FAM168A: variants seen among roughly 807,000 people sequenced by gnomAD.
The protein encoded by FAM168A is family with sequence similarity 168 member A, also known as protein FAM168A.
In FAM168A, 3 loss-of-function variants were observed where a neutral mutation model predicts 28.5. That is an observed-to-expected ratio of 0.11 (90% CI 0.05 to 0.27). The LOEUF (loss-of-function observed/expected upper bound fraction) is 0.27. FAM168A is among the 10% of genes least tolerant of loss of function. FAM168A has a pLI of 1.00. For missense variants in FAM168A, 222 were observed against 311.5 expected (o/e 0.71, Z 2.16); for synonymous variants, 122 against 124.2 (o/e 0.98, Z 0.12).
intron 1 of FAM168A, among the ~76,000 whole-genome samples, chr11:73,490,906 G>A (rs1370343900): frequency 2.0e-5 from 3 of 152,030 alleles, no homozygotes; most frequent in Non-Finnish European, 4.4e-5. Context: ...GTCTACTGTT[G>A]CATCCCCAGT....
At chr11:73,572,281 G>T (rs529674726) in intron 1 of FAM168A, among the ~76,000 whole-genome samples, 1 of 149,798 alleles carries the variant, frequency 6.7e-6, no homozygotes, top group Non-Finnish European at 1.5e-5. Flanking sequence ...CCGGCCAGCC[G>T]CCCCGTCCAG....
At chr11:73,497,886 G>A (rs1854925105) in intron 1 of FAM168A, among the ~76,000 whole-genome samples, 1 of 152,074 alleles carries the variant, frequency 6.6e-6, no homozygotes, top group Admixed American at 6.5e-5. Context: ...ATGTACCCTA[G>A]AACTTAAAGC....
At chr11:73,594,159 A>C (rs1944415332) in intron 1 of FAM168A, among the ~76,000 whole-genome samples, 3 of 152,108 alleles carry the variant, frequency 2.0e-5, no homozygotes, top group South Asian at 2.1e-4. Flanking sequence ...CAGTGCAGGG[A>C]AGCACGATCA....
intron 1 of FAM168A, among the ~76,000 whole-genome samples, chr11:73,524,504 CT>C (rs150045573): frequency 0.016 from 2,418 of 151,200 alleles, 64 homozygotes; most frequent in African/African-American, 0.056. Context: ...TAAACTGATC[CT>C]CTAATTTATT....
At chr11:73,477,223 G>A (rs1192722553) in intron 1 of FAM168A, among the ~76,000 whole-genome samples, 1 of 151,952 alleles carries the variant, frequency 6.6e-6, no homozygotes, top group African/African-American at 2.4e-5. Flanking sequence ...TGGGCAGGGA[G>A]GGTTGAAGGA....
At chr11:73,591,014 CG>C (rs765686804) in intron 1 of FAM168A, among the ~76,000 whole-genome samples, 1 of 152,118 alleles carries the variant, frequency 6.6e-6, no homozygotes, top group African/African-American at 2.4e-5. Flanking sequence ...CATGGTGGCA[CG>C]GGCCTGTGGT....
At chr11:73,485,930 A>T (rs1868047241) in intron 1 of FAM168A, among the ~76,000 whole-genome samples, 1 of 152,194 alleles carries the variant, frequency 6.6e-6, no homozygotes, top group Non-Finnish European at 1.5e-5. Flanking sequence ...ACCCTCTTCA[A>T]GTTTTCAGCC....
chr11:73,489,700 A>G (rs1868103172), intron 1 of FAM168A, among the ~76,000 whole-genome samples: 1 of 151,928 alleles, frequency 6.6e-6, no homozygotes, highest in South Asian at 2.1e-4. Flanking sequence ...TTTTGTTTTC[A>G]TAGAGATGCT....
At chr11:73,522,137 C>G (rs1943388658) in intron 1 of FAM168A, among the ~76,000 whole-genome samples, 1 of 148,980 alleles carries the variant, frequency 6.7e-6, no homozygotes, top group Non-Finnish European at 1.5e-5. Flanking sequence ...CAGGGGCCAG[C>G]AATCAACTTT....
At chr11:73,537,216 G>T (rs1176915009) in intron 1 of FAM168A, among the ~76,000 whole-genome samples, 1 of 152,164 alleles carries the variant, frequency 6.6e-6, no homozygotes, top group East Asian at 1.9e-4. Context: ...ATACAGTATT[G>T]CAAGAGCAGT....
intron 1 of FAM168A, among the ~76,000 whole-genome samples, chr11:73,544,925 TATAAA>T (rs1943715627): frequency 1.1e-5 from 1 of 93,070 alleles, no homozygotes; most frequent in Admixed American, 1.7e-4. Flanking sequence ...TTATATATAA[TATAAA>T]ATATATTATG....
intron 1 of FAM168A, among the ~76,000 whole-genome samples, chr11:73,505,116 A>T (rs531558703): frequency 5.0e-4 from 74 of 148,584 alleles, no homozygotes; most frequent in African/African-American, 3.4e-4. Context: ...CATGTATCCC[A>T]TTTTTTTTTT....
At position 73,479,118 on chromosome 11, in the gene FAM168A, T is replaced by G. The variant is rs543552656; in HGVS notation, c.-18-10626A>C. On this transcript the variant is annotated intron_variant, in intron 1 of 7. Transcript: ENST00000356467. ...CCTTTCCTCTCCCCTTACTGATTCC[T>G]GCTATCTAGAATTAGGACATGATGA... 5.3e-5 allele frequency among the ~76,000 whole-genome samples: 8 copies of G among 152,298 alleles called. No individual in the cohort carries two copies. In the East Asian group the frequency reaches 1.5e-3, roughly 29 times the overall value.
At chr11:73,407,401 G>T in intron 7 of FAM168A, 112 bp downstream of exon 7, 1 of 606,262 alleles carries the variant, frequency 1.6e-6, no homozygotes, top group Non-Finnish European at 2.7e-6. Context: ...CTGGTAACTT[G>T]ACAGCTGTTA....
intron 3 of FAM168A, among the ~76,000 whole-genome samples, chr11:73,422,592 T>C (rs1191538505): frequency 6.6e-6 from 1 of 152,204 alleles, no homozygotes; most frequent in Non-Finnish European, 1.5e-5. Context: ...TTTAGAGGCA[T>C]GGTCACAGAG....
At position 73,455,047 on chromosome 11, in the gene FAM168A, C is replaced by T. The variant is rs146133211; in HGVS notation, c.70+13358G>A. On this transcript the variant is annotated intron_variant, in intron 2 of 7. Transcript: ENST00000356467. ...ACAAAAAGGCAAAGAGCCCACTGGG[C>T]TGTTAACACTTAAGCTGTTCATGGA... 4.6e-5 allele frequency among the ~76,000 whole-genome samples: 7 copies of T among 152,378 alleles called. No homozygotes were observed. In the East Asian group the frequency reaches 1.3e-3, roughly 29 times the overall value.
chr11:73,546,830 CAT>C (rs944785211), intron 1 of FAM168A, among the ~76,000 whole-genome samples: 1 of 151,086 alleles, frequency 6.6e-6, no homozygotes, highest in Admixed American at 6.6e-5. Flanking sequence ...ACAAAAATTA[CAT>C]ATGTGTTAAA....
chr11:73,503,915 A>C (rs1565274179), intron 1 of FAM168A, among the ~76,000 whole-genome samples: 1 of 152,354 alleles, frequency 6.6e-6, no homozygotes, highest in Non-Finnish European at 1.5e-5. Context: ...AGGATCTCCT[A>C]TTCAGTAAAT....
At chr11:73,534,011 C>T (rs1236740245) in intron 1 of FAM168A, among the ~76,000 whole-genome samples, 1 of 152,150 alleles carries the variant, frequency 6.6e-6, no homozygotes, top group African/African-American at 2.4e-5. Flanking sequence ...GAATCAAAAG[C>T]CCATACTCTT....
Sources: allele counts gnomAD v4.1 joint callset (sites outside exome capture counted in the v4.1 genomes callset), GRCh38; gene constraint gnomAD v4.1.1; transcripts MANE v1.5; gene names NCBI Gene and HGNC (gene_info 2026-07-23, HGNC 2026-07-21).